The following BMPR1B variants were observed in gnomAD, a reference collection of about 807,000 sequenced individuals.
BMPR1B encodes the protein bone morphogenetic protein receptor type 1B.
BMPR1B carries 12 observed loss-of-function variants against 59.1 expected under a neutral mutation model. The ratio of observed to expected loss-of-function variants is 0.20; its 90% CI spans 0.13 to 0.33. BMPR1B has a LOEUF of 0.33. Ranked by LOEUF, BMPR1B falls within the 10% of genes least tolerant of loss-of-function variation. The pLI is 1.00. For missense variants in BMPR1B, 550 were observed against 610.9 expected (o/e 0.90, Z 1.05); for synonymous variants, 237 against 207.3 (o/e 1.14, Z -1.23).
chr4:94,810,558 T>G (rs1723773446), intron 1 of BMPR1B, among the ~76,000 whole-genome samples: 1 of 152,214 alleles, frequency 6.6e-6, no homozygotes, highest in Non-Finnish European at 1.5e-5. Context: ...TGAGCTTACA[T>G]GAAACATTTC....
intron 2 of BMPR1B, among the ~76,000 whole-genome samples, chr4:94,992,197 G>C (rs1302437110): frequency 6.6e-6 from 1 of 152,172 alleles, no homozygotes; most frequent in Non-Finnish European, 1.5e-5. Context: ...TTAGTAAGGT[G>C]TATCAGTTAC....
chr4:95,008,312 C>T (rs1465948553), intron 3 of BMPR1B, among the ~76,000 whole-genome samples: 1 of 152,248 alleles, frequency 6.6e-6, no homozygotes, highest in Non-Finnish European at 1.5e-5. Context: ...TTTCCCTTAA[C>T]CACTCTACTT....
rs549489636 is a variant in BMPR1B, at chr4:94,875,320, TAACAGTTTG to T, written c.-182-507_-182-499del. Among the ~76,000 whole-genome samples the T allele has an allele frequency of 2.0e-5, 3 of 152,328 alleles. No homozygotes were observed. The East Asian group carries it at 5.8e-4, about 29-fold the overall frequency. ...ATAGTGAAAACCTGTAATACTGTTT[TAACAGTTTG>T]AACTGGTTCACAATAATCATGGGAA... On this transcript the variant is annotated intron_variant, in intron 1 of 12. Transcript: ENST00000515059.
At chr4:94,933,461 A>G (rs149978757) in intron 2 of BMPR1B, among the ~76,000 whole-genome samples, 73 of 152,214 alleles carry the variant, frequency 4.8e-4, no homozygotes, top group Non-Finnish European at 8.7e-4. Flanking sequence ...ATAATCCTCA[A>G]TTTAATGGCA....
At chr4:94,775,841 C>A (rs1361556404) in intron 1 of BMPR1B, among the ~76,000 whole-genome samples, 1 of 151,988 alleles carries the variant, frequency 6.6e-6, no homozygotes, top group Non-Finnish European at 1.5e-5. Flanking sequence ...CCTGTAATCC[C>A]AGCACGCTGG....
intron 2 of BMPR1B, among the ~76,000 whole-genome samples, chr4:94,945,475 T>C (rs532494759): frequency 6.6e-6 from 1 of 152,308 alleles, no homozygotes; most frequent in South Asian, 2.1e-4. Context: ...TCTTGCTCTG[T>C]TGTCCAGTCT....
chr4:94,775,112 A>T (rs1484778930), intron 1 of BMPR1B, among the ~76,000 whole-genome samples: 2 of 152,138 alleles, frequency 1.3e-5, no homozygotes, highest in African/African-American at 2.4e-5. Context: ...CAGCTTTCCC[A>T]CTCAGTGTCC....
At chr4:95,079,708 A>C (rs1056018184) in intron 3 of BMPR1B, among the ~76,000 whole-genome samples, 2 of 151,872 alleles carry the variant, frequency 1.3e-5, no homozygotes, top group Non-Finnish European at 2.9e-5. Flanking sequence ...TTGTCTCTCT[A>C]TATATACAAT....
At chr4:94,943,420 G>A (rs943325539) in intron 2 of BMPR1B, among the ~76,000 whole-genome samples, 3 of 152,110 alleles carry the variant, frequency 2.0e-5, no homozygotes, top group Non-Finnish European at 2.9e-5. Flanking sequence ...CACCGTGTCT[G>A]CCTCCACTCA....
intron 3 of BMPR1B, among the ~76,000 whole-genome samples, chr4:95,089,098 C>T (rs1217154704): frequency 1.3e-5 from 2 of 152,048 alleles, no homozygotes; most frequent in East Asian, 1.9e-4. Context: ...TCACTTTGGT[C>T]ATTTAAATAC....
chr4:94,913,553 G>A (rs1462005892), intron 2 of BMPR1B, among the ~76,000 whole-genome samples: 2 of 152,074 alleles, frequency 1.3e-5, no homozygotes, highest in African/African-American at 4.8e-5. Context: ...GCTAAAGAAT[G>A]GCAAGTGATA....
chr4:95,130,856 A>G (rs776395342), intron 9 of BMPR1B, among the ~76,000 whole-genome samples: 1 of 149,668 alleles, frequency 6.7e-6, no homozygotes, highest in Non-Finnish European at 1.5e-5. Context: ...TAGCTTCCCG[A>G]GTAGTTGGGA....
chr4:95,078,835 G>GCAGCCTCAACCTCCTGGGCTC (rs1728900181), intron 3 of BMPR1B, among the ~76,000 whole-genome samples: 1 of 152,144 alleles, frequency 6.6e-6, no homozygotes, highest in East Asian at 1.9e-4. Flanking sequence ...ACAGCTCGCT[G>GCAGCCTCAACCTCCTGGGCTC]CAGCCTCAAC....
intron 1 of BMPR1B, among the ~76,000 whole-genome samples, chr4:94,759,107 T>TA (rs1721655520): frequency 6.6e-6 from 1 of 152,190 alleles, no homozygotes; most frequent in African/African-American, 2.4e-5. Context: ...CTTACTTCTT[T>TA]AGAGCTGCAC....
At chr4:95,010,195 A>G (rs1335754239) in intron 3 of BMPR1B, among the ~76,000 whole-genome samples, 2 of 152,178 alleles carry the variant, frequency 1.3e-5, no homozygotes, top group Non-Finnish European at 2.9e-5. Flanking sequence ...TTCCTTGTGT[A>G]AGTACAATAA....
At chr4:95,116,421 G>GCACACA (rs35436544) in intron 6 of BMPR1B, among the ~76,000 whole-genome samples, 21,605 of 123,038 alleles carry the variant, frequency 0.18, 2,285 homozygotes, top group Middle Eastern at 0.3. Flanking sequence ...TTCAGCGCGC[G>GCACACA]CACACACACA....
At chr4:95,023,571 GA>G in intron 3 of BMPR1B, among the ~76,000 whole-genome samples, 3 of 151,492 alleles carry the variant, frequency 2.0e-5, no homozygotes, top group Admixed American at 2.0e-4. Flanking sequence ...TAAATTGATA[GA>G]AATGAAGTCT....
chr4:95,054,016 T>C (rs1008103586), intron 3 of BMPR1B, among the ~76,000 whole-genome samples: 4 of 152,316 alleles, frequency 2.6e-5, no homozygotes, highest in African/African-American at 9.6e-5. Context: ...AAATGATGTG[T>C]TCATGACTTT....
At chr4:95,043,534 G>A (rs1277039926) in intron 3 of BMPR1B, among the ~76,000 whole-genome samples, 1 of 152,126 alleles carries the variant, frequency 6.6e-6, no homozygotes, top group Non-Finnish European at 1.5e-5. Context: ...CACAGGCCAT[G>A]CATATAATTA....
Sources: gnomAD v4.1 joint callset for allele counts (sites outside exome capture counted in the v4.1 genomes callset) on GRCh38, gnomAD v4.1.1 for gene constraint, MANE v1.5 for transcripts, NCBI Gene and HGNC (gene_info 2026-07-23, HGNC 2026-07-21) for gene names.